The following RIMS1 variants were observed in gnomAD, a reference collection of about 807,000 sequenced individuals.
RIMS1 encodes the protein regulating synaptic membrane exocytosis 1, also known as regulating synaptic membrane exocytosis protein 1.
Under a neutral mutation model 214.1 loss-of-function variants are expected in RIMS1, and 83 were observed. That is an observed-to-expected ratio of 0.39 (90% CI 0.32 to 0.47). The LOEUF is 0.47. Ranked by LOEUF, RIMS1 falls within the 20% of genes least tolerant of loss-of-function variation. The probability of loss-of-function intolerance (pLI) is 0.99; values close to 1 mark genes in which losing one functional copy is unlikely to be tolerated. For missense variants in RIMS1, 2,050 were observed against 2,161.8 expected (o/e 0.95, Z 1.03); for synonymous variants, 793 against 786.8 (o/e 1.01, Z -0.13).
rs974646322 is a variant in RIMS1 at position 72,070,534 on chromosome 6, C to T, written c.246-26415C>T. ...TACTTAGTCATAAAAACAATAAAGA[C>T]ATTCTTCAAAAGAAATTCAAAATTT... On this transcript the variant is annotated intron_variant, in intron 2 of 33. Transcript: ENST00000521978. Among the ~76,000 whole-genome samples the T allele has an allele frequency of 2.0e-5, 3 of 152,094 alleles. No homozygotes were observed. The South Asian group carries it at 6.2e-4, about 32-fold the overall frequency.
chr6:72,050,277 ATTTG>A (rs1203439068), intron 2 of RIMS1, among the ~76,000 whole-genome samples: 2 of 151,920 alleles, frequency 1.3e-5, no homozygotes, highest in African/African-American at 4.8e-5. Flanking sequence ...ACATCAAATT[ATTTG>A]TTTTTTTTCC....
intron 6 of RIMS1, among the ~76,000 whole-genome samples, chr6:72,197,690 A>G (rs1263431513): frequency 6.6e-6 from 1 of 152,068 alleles, no homozygotes; most frequent in Non-Finnish European, 1.5e-5. Context: ...TATCTGGGCA[A>G]TTCTCCAAGC....
chr6:72,182,525 C>G lies in RIMS1; in HGVS notation c.1054C>G (p.Gln352Glu). 1 of 1,575,644 alleles carries G rather than the reference C, an allele frequency of 6.3e-7. No individual in the cohort carries two copies. Among genetic ancestry groups the G allele is most frequent in the South Asian group, 1.2e-5 (1 of 86,552 alleles). ...AAAGCAAAGAAAAGAGGAGGATTAT[C>G]AGACCAGGTACCGCAGCGACCCGAA... The part of the protein sequence containing the change: ...EEKQRKEEDY[Q>E]TRYRSDPNLA... The change falls in exon 6 of 34, where the codon CAG becomes GAG. Residue 352 changes from glutamine (Q) to glutamate (E), a missense_variant. Physicochemically the swap from Gln to Glu is conservative, Grantham distance 29. Transcript: ENST00000521978.
At chr6:72,047,954 C>A (rs1000429527) in intron 2 of RIMS1, among the ~76,000 whole-genome samples, 1 of 152,096 alleles carries the variant, frequency 6.6e-6, no homozygotes, top group Non-Finnish European at 1.5e-5. Context: ...TGGATTCAAA[C>A]CCATCACTAC....
At chr6:72,289,298 A>G (rs2092942210) in intron 24 of RIMS1, among the ~76,000 whole-genome samples, 1 of 152,212 alleles carries the variant, frequency 6.6e-6, no homozygotes, top group Admixed American at 6.5e-5. Flanking sequence ...TTAAAGAGTA[A>G]TAGATAAAAC....
chr6:72,218,176 C>T (rs1031741523), intron 6 of RIMS1, among the ~76,000 whole-genome samples: 4 of 148,736 alleles, frequency 2.7e-5, no homozygotes. Context: ...TTTGAGGTGT[C>T]CCAAGGGCAC....
chr6:72,008,356 CCA>C (rs1221412891), intron 2 of RIMS1, among the ~76,000 whole-genome samples: 1 of 152,166 alleles, frequency 6.6e-6, no homozygotes, highest in Non-Finnish European at 1.5e-5. Context: ...CTGGTACCAG[CCA>C]CTGCAAAAAC....
At chr6:72,394,039 A>AAAAAAAAG (rs2098743940) in intron 31 of RIMS1, among the ~76,000 whole-genome samples, 1 of 150,086 alleles carries the variant, frequency 6.7e-6, no homozygotes, top group African/African-American at 2.4e-5. Flanking sequence ...AAAAAAAAAA[A>AAAAAAAAG]AAAGATGGAA....
intron 1 of RIMS1, among the ~76,000 whole-genome samples, chr6:71,955,634 G>A (rs767660139): frequency 1.3e-5 from 2 of 152,038 alleles, no homozygotes; most frequent in Non-Finnish European, 2.9e-5. Context: ...TATATGTAAT[G>A]TATATGTATA....
intron 19 of RIMS1, chr6:72,261,587 GAAAC>G (rs2078035150): frequency 2.0e-6 from 2 of 978,238 alleles, no homozygotes; most frequent in Admixed American, 6.2e-5. Flanking sequence ...GTAAGTCAGT[GAAAC>G]AAACTAACAC....
intron 2 of RIMS1, among the ~76,000 whole-genome samples, chr6:71,999,918 T>C (rs1280933662): frequency 6.6e-6 from 1 of 152,172 alleles, no homozygotes; most frequent in African/African-American, 2.4e-5. Context: ...TGAAGAAGGA[T>C]AGTTGAATGT....
chr6:72,230,794 A>G (rs2061691721), intron 6 of RIMS1, among the ~76,000 whole-genome samples: 1 of 151,584 alleles, frequency 6.6e-6, no homozygotes. Flanking sequence ...AAGGGATAGT[A>G]TAAAAATTTT....
intron 4 of RIMS1, among the ~76,000 whole-genome samples, chr6:72,153,552 A>G (rs2044022023): frequency 6.6e-6 from 1 of 152,184 alleles, no homozygotes; most frequent in Non-Finnish European, 1.5e-5. Context: ...TGAAGTAAAT[A>G]ATCTATAGAT....
chr6:71,903,289 C>T (rs1774262065), intron 1 of RIMS1, among the ~76,000 whole-genome samples: 1 of 152,100 alleles, frequency 6.6e-6, no homozygotes, highest in African/African-American at 2.4e-5. Context: ...CGATGTTGAG[C>T]TTTTTTATCA....
At chr6:72,211,240 C>G (rs2254147) in intron 6 of RIMS1, among the ~76,000 whole-genome samples, 72,716 of 151,996 alleles carry the variant, frequency 0.48, 18,566 homozygotes, top group East Asian at 0.83. Flanking sequence ...AGTGCCAATA[C>G]ATTAATACAA....
rs750266366 is a variant in RIMS1 at position 72,258,196 on chromosome 6, C to T, written c.2842C>T (p.His948Tyr). The change falls in exon 17 of 34, where the codon CAT (histidine) becomes TAT (tyrosine). Residue 948 changes from histidine (H) to tyrosine (Y), a missense_variant. His to Tyr is a moderately conservative substitution (Grantham distance 83, BLOSUM62 2). Around this residue, in one of 6 missense-constraint regions of RIMS1, gnomAD observed 889 missense variants for 885.5 expected, o/e 1.00. Transcript: ENST00000521978. ...LTVPEQQRTT[H>Y]HRSRSVSPHR... ...TGTGCCAGAACAGCAAAGAACAACTCATCACCGCTCACGTTCAGTATCTCC... is the reference window on the plus strand; with the variant it reads ...TGTGCCAGAACAGCAAAGAACAACTTATCACCGCTCACGTTCAGTATCTCC... 1.2e-6 allele frequency: 2 copies of T among 1,613,374 alleles called. No individual in the cohort carries two copies. Among genetic ancestry groups the T allele is most frequent in the South Asian group, 1.1e-5 (1 of 91,044 alleles).
chr6:71,983,275 T>G (rs566548368), intron 2 of RIMS1, among the ~76,000 whole-genome samples: 1 of 152,120 alleles, frequency 6.6e-6, no homozygotes, highest in African/African-American at 2.4e-5. Flanking sequence ...TAAAAAAGGG[T>G]CAATAGGTTC....
intron 2 of RIMS1, among the ~76,000 whole-genome samples, chr6:72,051,616 T>G (rs1366401557): frequency 6.6e-6 from 1 of 152,172 alleles, no homozygotes; most frequent in Non-Finnish European, 1.5e-5. Context: ...CCTGAGAATA[T>G]TCCTCTTACC....
intron 1 of RIMS1, among the ~76,000 whole-genome samples, chr6:71,963,336 C>T (rs6926949): frequency 0.01 from 1,570 of 152,176 alleles, 30 homozygotes; most frequent in African/African-American, 0.036. Flanking sequence ...CTTTCTTCAT[C>T]GGCCAAGTAG....
Sources: allele counts gnomAD v4.1 joint callset (sites outside exome capture counted in the v4.1 genomes callset), GRCh38; gene constraint gnomAD v4.1.1; regional missense constraint gnomAD v4.1.1; transcripts MANE v1.5; gene names NCBI Gene and HGNC (gene_info 2026-07-23, HGNC 2026-07-21).